Variants in PTPN11 observed in about 807,000 individuals in gnomAD.
The protein encoded by PTPN11 is protein tyrosine phosphatase non-receptor type 11, also known as tyrosine-protein phosphatase non-receptor type 11.
PTPN11 carries 6 observed loss-of-function variants against 78.8 expected under a neutral mutation model. The ratio of observed to expected loss-of-function variants is 0.08; its 90% confidence interval spans 0.04 to 0.15. PTPN11 has a LOEUF of 0.15. Among genes scored for constraint, PTPN11 ranks in the 10% least tolerant of loss-of-function variants. The pLI, the probability that PTPN11 is intolerant of heterozygous loss-of-function variation, is 1.00. For missense variants in PTPN11, 386 were observed against 744.8 expected, an observed-to-expected ratio of 0.52 and a Z score of 5.61; for synonymous variants, 221 against 263.5, an observed-to-expected ratio of 0.84 and a Z score of 1.56.
intron 1 of PTPN11, among the ~76,000 whole-genome samples, chr12:112,420,956 G>A (rs1362843860): frequency 6.6e-6 from 1 of 152,124 alleles, no homozygotes; most frequent in African/African-American, 2.4e-5. Context: ...GACAAGTAAG[G>A]ATCTGCTGCT....
At chr12:112,425,361 T>C (rs1287641711) in intron 1 of PTPN11, among the ~76,000 whole-genome samples, 1 of 152,100 alleles carries the variant, frequency 6.6e-6, no homozygotes, top group Non-Finnish European at 1.5e-5. Flanking sequence ...ATGCCTTTTT[T>C]TTCAGCATGA....
intron 2 of PTPN11, among the ~76,000 whole-genome samples, chr12:112,446,626 A>G (rs1170385342): frequency 6.6e-6 from 1 of 152,184 alleles, no homozygotes; most frequent in East Asian, 1.9e-4. Flanking sequence ...GGAGCAGGTC[A>G]TAGAAGTTCT....
chr12:112,469,231 G>A (rs1396587351), intron 6 of PTPN11, among the ~76,000 whole-genome samples: 7 of 152,146 alleles, frequency 4.6e-5, no homozygotes, highest in Admixed American at 1.3e-4. Flanking sequence ...CATCACGGTA[G>A]GTAAGATGAA....
Position 112,486,551 on chromosome 12 carries a change from G to C in PTPN11, c.1301G>C (p.Gly434Ala), listed in dbSNP as rs2038679163. Reference sequence around the variant, plus strand: ...CACGGCGTGCCCAGCGACCCTGGGGGCGTGCTGGACTTCCTGGAGGAGGTG... The same window carrying C: ...CACGGCGTGCCCAGCGACCCTGGGGCCGTGCTGGACTTCCTGGAGGAGGTG... The part of the protein sequence containing the change: ...PDHGVPSDPG[G>A]VLDFLEEVHH... Residue 434 changes from glycine (G) to alanine (A), a missense_variant, in exon 11 of 16, where the codon GGC (glycine) becomes GCC (alanine). Around this residue, in one of 3 missense-constraint regions of PTPN11, gnomAD observed 63 missense variants for 182.2 expected, o/e 0.35. Coordinates refer to ENST00000351677, the MANE Select transcript of PTPN11 (RefSeq NM_002834.5). 1 of 1,614,094 alleles carries C rather than the reference G, an allele frequency of 6.2e-7. No individual in the cohort carries two copies. Among genetic ancestry groups the C allele is most frequent in the African/African-American group, 1.3e-5 (1 of 74,950 alleles).
At chr12:112,433,677 G>T (rs563700987) in intron 1 of PTPN11, among the ~76,000 whole-genome samples, 1 of 152,330 alleles carries the variant, frequency 6.6e-6, no homozygotes, top group East Asian at 1.9e-4. Flanking sequence ...CTGGCTGGGC[G>T]CAGTGGCTCA....
Position 112,504,808 on chromosome 12 carries a change from C to T in PTPN11, c.*32+12C>T. 1 of 1,432,302 alleles carries T rather than the reference C, an allele frequency of 7.0e-7. No individual in the cohort carries two copies. Among genetic ancestry groups the T allele is most frequent in the East Asian group, 2.3e-5 (1 of 43,710 alleles). The allele number at this position is 1,432,302 out of a possible 1,614,324, so 88.7% of individuals were successfully genotyped here. A position where few individuals can be genotyped will look rare whatever the true frequency, so the allele number is the denominator to read the frequency against. On this transcript the variant is annotated intron_variant, in intron 15 of 15. Transcript: ENST00000351677. This position sits in a 1 kb window ranked among gnomAD's most constrained non-coding sequence, Gnocchi z 4.7. ...CAGCACAGAAATAGGTATTTAAATGCAAGTGCTCTATTGGTTAATTGTTTA... is the reference window on the plus strand; with the variant it reads ...CAGCACAGAAATAGGTATTTAAATGTAAGTGCTCTATTGGTTAATTGTTTA...
chr12:112,471,810 G>A (rs746945134), intron 6 of PTPN11, among the ~76,000 whole-genome samples: 3 of 151,602 alleles, frequency 2.0e-5, no homozygotes, highest in Non-Finnish European at 2.9e-5. Context: ...TGGAGGGCAG[G>A]GACGTGATCT....
chr12:112,486,429 C>G (rs753228299), intron 10 of PTPN11, 46 bp from the exon 11 acceptor site: 2 of 1,561,038 alleles, frequency 1.3e-6, no homozygotes, highest in African/African-American at 1.4e-5. Flanking sequence ...TCCTCAACCT[C>G]TTGATTTATT....
chr12:112,505,792 T>A (rs1443560463), intron 15 of PTPN11, 33 bp from the exon 16 acceptor site: 3 of 152,516 alleles, frequency 2.0e-5, no homozygotes, highest in Non-Finnish European at 2.9e-5. Context: ...AGATATATGT[T>A]CCTTAAAAAC....
At chr12:112,457,148 C>T (rs1159961019) in intron 6 of PTPN11, 7 of 304,360 alleles carry the variant, frequency 2.3e-5, no homozygotes, top group South Asian at 2.4e-5. Context: ...GTGGCTCACT[C>T]CTGTAATCTC....
At chr12:112,425,000 GTGTGTGTGTA>G (rs1476751807) in intron 1 of PTPN11, among the ~76,000 whole-genome samples, 51 of 146,236 alleles carry the variant, frequency 3.5e-4, no homozygotes, top group East Asian at 1.4e-3. Flanking sequence ...GTGTGTGTGT[GTGTGTGTGTA>G]TGTAGAGATG....
chr12:112,504,653 T>G lies in PTPN11; in HGVS notation c.1713-42T>G, dbSNP rs1195864020. The G allele has an allele frequency of 7.2e-7, 1 of 1,398,106 alleles. No individual in the cohort carries two copies. The allele number at this position is 1,398,106 out of a possible 1,614,324, so 86.6% of individuals were successfully genotyped here. The stretch of plus-strand genomic sequence containing the variant: ...TATCATGTAAGCTTAAACAGCGTGG[T>G]CTACATTTTTGTAAATGTCTTTCTT... On this transcript the variant is annotated intron_variant, in intron 14 of 15. Transcript: ENST00000351677. The surrounding 1 kb of genome is among the most constrained non-coding windows in gnomAD (Gnocchi z 4.7).
chr12:112,453,163 C>T (rs1283387487), intron 3 of PTPN11, 32 bp from the exon 4 acceptor site: 1 of 1,579,692 alleles, frequency 6.3e-7, no homozygotes, highest in Non-Finnish European at 8.7e-7. Flanking sequence ...CATAGTAGAG[C>T]TAAATTCTTT....
Position 112,422,078 on chromosome 12 carries a change from T to C in PTPN11, c.14+2953T>C, listed in dbSNP as rs749835648. On this transcript the variant is annotated intron_variant, in intron 1 of 15. Transcript: ENST00000351677. ...TAAATAGGGCAATTTCAGGTAGTAA[T>C]AAATTCTAGGAGGGAAAAAATCCCA... 5.9e-5 allele frequency among the ~76,000 whole-genome samples: 9 copies of C among 152,174 alleles called. No individual in the cohort carries two copies. In the South Asian group the frequency reaches 1.5e-3, roughly 25 times the overall value.
intron 1 of PTPN11, among the ~76,000 whole-genome samples, chr12:112,421,738 C>G (rs1287744225): frequency 1.3e-5 from 2 of 152,088 alleles, no homozygotes; most frequent in Non-Finnish European, 2.9e-5. Flanking sequence ...ATCCATCCCC[C>G]CTCCTCAGCT....
chr12:112,489,649 A>G (rs1259530368), intron 13 of PTPN11, among the ~76,000 whole-genome samples: 3 of 152,224 alleles, frequency 2.0e-5, no homozygotes, highest in Admixed American at 6.5e-5. Context: ...CATAATGAAG[A>G]GGAATGTGGA....
intron 3 of PTPN11, 25 bp downstream of exon 3, chr12:112,450,537 A>G: frequency 1.2e-6 from 2 of 1,602,342 alleles, no homozygotes; most frequent in Non-Finnish European, 1.7e-6. Flanking sequence ...AGTGACCACA[A>G]AGTCTGCTGC....
intron 10 of PTPN11, among the ~76,000 whole-genome samples, chr12:112,484,173 G>A (rs1465882773): frequency 6.6e-6 from 1 of 152,070 alleles, no homozygotes; most frequent in Non-Finnish European, 1.5e-5. Context: ...ACAATCAGAG[G>A]GAATAAGAAG....
At chr12:112,501,842 C>T (rs1360290946) in intron 13 of PTPN11, among the ~76,000 whole-genome samples, 2 of 152,146 alleles carry the variant, frequency 1.3e-5, no homozygotes, top group Admixed American at 1.3e-4. Context: ...GCTAATGTGG[C>T]AAAGAAAGTG....
Sources: allele counts gnomAD v4.1 joint callset (sites outside exome capture counted in the v4.1 genomes callset), GRCh38; gene constraint gnomAD v4.1.1; regional missense constraint gnomAD v4.1.1; non-coding constraint Gnocchi (gnomAD v3.1); transcripts MANE v1.5; gene names NCBI Gene and HGNC (gene_info 2026-07-23, HGNC 2026-07-21).